TRAPPC12: variants seen among roughly 807,000 people sequenced by gnomAD.
The protein encoded by TRAPPC12 is TPR repeat protein 15.
TRAPPC12 carries 61 observed loss-of-function variants against 69.2 expected under a neutral mutation model. The observed-to-expected ratio is 0.88, with a 90% CI of 0.72 to 1.09. The LOEUF (loss-of-function observed/expected upper bound fraction) is 1.09. Among genes scored for constraint, TRAPPC12 ranks in the 50% least tolerant of loss-of-function variants. The pLI is 0.00. For missense variants in TRAPPC12, 1,101 were observed against 1,016.4 expected (o/e 1.08, Z -1.13); for synonymous variants, 469 against 438.9 (o/e 1.07, Z -0.86).
At chr2:3,401,495 C>T (rs1207398008) in intron 2 of TRAPPC12, among the ~76,000 whole-genome samples, 3 of 152,138 alleles carry the variant, frequency 2.0e-5, no homozygotes, top group East Asian at 3.9e-4. Context: ...TAGGACTTAC[C>T]GTTTCCTCTT....
rs562936345 is a variant in TRAPPC12 at position 3,408,663 on chromosome 2, A to G, written c.1164+6770A>G. 2.6e-5 allele frequency among the ~76,000 whole-genome samples: 4 copies of G among 152,222 alleles called. No homozygotes were observed. The South Asian group carries it at 6.2e-4, about 24-fold the overall frequency. ...TAAAAAAAAATAATAATAACAATAA[A>G]GTACATGCTTTGTATAACTTTTGAC... On this transcript the variant is annotated intron_variant, in intron 3 of 11. Coordinates refer to ENST00000324266, the MANE Select transcript of TRAPPC12 (RefSeq NM_016030.6).
intron 5 of TRAPPC12, among the ~76,000 whole-genome samples, chr2:3,439,709 A>AT (rs1375283064): frequency 1.3e-5 from 2 of 152,024 alleles, no homozygotes; most frequent in Non-Finnish European, 2.9e-5. Flanking sequence ...CAACTTACTG[A>AT]TTTTTTTCTT....
chr2:3,416,439 G>A (rs540778897), intron 3 of TRAPPC12, among the ~76,000 whole-genome samples: 84 of 152,158 alleles, frequency 5.5e-4, no homozygotes, highest in African/African-American at 2.0e-3. Flanking sequence ...CAGAAGCACT[G>A]CAGGGCCCCC....
intron 7 of TRAPPC12, among the ~76,000 whole-genome samples, chr2:3,459,518 A>G (rs912126864): frequency 6.6e-6 from 1 of 152,230 alleles, no homozygotes; most frequent in Non-Finnish European, 1.5e-5. Flanking sequence ...GAAGGCCACA[A>G]AGCCAGTTTG....
chr2:3,433,824 C>G (rs1663600637), intron 5 of TRAPPC12, among the ~76,000 whole-genome samples: 1 of 152,176 alleles, frequency 6.6e-6, no homozygotes, highest in Non-Finnish European at 1.5e-5. Flanking sequence ...ACATGGGAAT[C>G]TTCCGGAAAA....
At chr2:3,445,963 C>G (rs1168725763) in intron 6 of TRAPPC12, among the ~76,000 whole-genome samples, 1 of 152,206 alleles carries the variant, frequency 6.6e-6, no homozygotes, top group African/African-American at 2.4e-5. Flanking sequence ...TCCTGAGACT[C>G]TTGAGGGGGC....
intron 4 of TRAPPC12, 124 bp downstream of exon 4, chr2:3,422,118 C>T (rs1662834040): frequency 3.9e-6 from 3 of 760,950 alleles, no homozygotes; most frequent in East Asian, 2.7e-5. Context: ...TCTTTCTCTC[C>T]TAATTATATT....
rs370359682 is a variant in TRAPPC12 at position 3,436,152 on chromosome 2, G to A, written c.1418-7627G>A. On this transcript the variant is annotated intron_variant, in intron 5 of 11. Coordinates refer to ENST00000324266, the MANE Select transcript of TRAPPC12 (RefSeq NM_016030.6). ...GGGCACAGGTGATAAGACTGCAGCTGGTCAGAATGTACCTTTAATCAAGTA... is the reference window on the plus strand; with the variant it reads ...GGGCACAGGTGATAAGACTGCAGCTAGTCAGAATGTACCTTTAATCAAGTA... Among the ~76,000 whole-genome samples the A allele has an allele frequency of 2.0e-3, 304 of 152,234 alleles. 4 individuals are homozygous for A. The highest frequency in any genetic ancestry group is 7.1e-3 in the African/African-American group (293 of 41,524).
intron 5 of TRAPPC12, among the ~76,000 whole-genome samples, chr2:3,438,414 C>T (rs1375038017): frequency 6.3e-5 from 9 of 143,114 alleles, no homozygotes; most frequent in Admixed American, 2.1e-4. Context: ...TCCCCCATCA[C>T]GCCTGGATTA....
At chr2:3,410,143 G>C (rs967484774) in intron 3 of TRAPPC12, among the ~76,000 whole-genome samples, 7 of 152,204 alleles carry the variant, frequency 4.6e-5, no homozygotes, top group African/African-American at 1.7e-4. Context: ...AGATATGACT[G>C]CATGTCATTT....
In TRAPPC12 at chr2:3,421,905, G is replaced by A. The variant is rs757194160; in HGVS notation, c.1189G>A (p.Val397Met). The A allele has an allele frequency of 5.0e-6, 8 of 1,613,796 alleles. No individual in the cohort carries two copies. Among genetic ancestry groups the A allele is most frequent in the Non-Finnish European group, 6.8e-6 (8 of 1,179,966 alleles). ...GAGCTGCAGAAACTGGAGGGCAGCA[G>A]TGGACCTGTGCGGACGTCTCCTCAC... ...LISCRNWRAA[V>M]DLCGRLLTAH... The change falls in exon 4 of 12, where the codon GTG becomes ATG. Residue 397 changes from valine to methionine, a missense_variant. Coordinates refer to ENST00000324266, the MANE Select transcript of TRAPPC12 (RefSeq NM_016030.6).
At chr2:3,407,235 A>G (rs1421354118) in intron 3 of TRAPPC12, among the ~76,000 whole-genome samples, 1 of 152,198 alleles carries the variant, frequency 6.6e-6, no homozygotes, top group Non-Finnish European at 1.5e-5. Context: ...AGTTATGTAC[A>G]TGCCATTAGT....
At chr2:3,435,078 T>A (rs2103080556) in intron 5 of TRAPPC12, among the ~76,000 whole-genome samples, 1 of 152,356 alleles carries the variant, frequency 6.6e-6, no homozygotes, top group East Asian at 1.9e-4. Context: ...AGTGGTGCGA[T>A]CTCGGCTCAC....
chr2:3,454,934 G>T (rs1340715597), intron 6 of TRAPPC12: 1 of 152,616 alleles, frequency 6.6e-6, no homozygotes, highest in Non-Finnish European at 1.5e-5. Flanking sequence ...CAGACCCACA[G>T]AGACCTCGCC....
At chr2:3,396,014 G>A (rs1026607885) in intron 2 of TRAPPC12, among the ~76,000 whole-genome samples, 5 of 152,038 alleles carry the variant, frequency 3.3e-5, no homozygotes, top group African/African-American at 9.7e-5. Context: ...ACAGGAGTGA[G>A]CCACCACGCC....
intron 5 of TRAPPC12, among the ~76,000 whole-genome samples, 182 bp downstream of exon 5, chr2:3,424,845 C>G (rs1663006132): frequency 6.6e-6 from 1 of 152,244 alleles, no homozygotes; most frequent in Admixed American, 6.5e-5. Context: ...GAAACACTGA[C>G]CTGGAGGTGC....
At chr2:3,412,520 C>T (rs1434308389) in intron 3 of TRAPPC12, among the ~76,000 whole-genome samples, 1 of 152,186 alleles carries the variant, frequency 6.6e-6, no homozygotes, top group Non-Finnish European at 1.5e-5. Flanking sequence ...AAGATCGCGC[C>T]ACCGCACTCC....
intron 9 of TRAPPC12, among the ~76,000 whole-genome samples, chr2:3,466,831 T>C (rs1665837249): frequency 1.3e-5 from 2 of 152,184 alleles, no homozygotes; most frequent in Non-Finnish European, 2.9e-5. Context: ...ACTGGGATGC[T>C]TGCAGCAACC....
chr2:3,388,802 C>G lies in TRAPPC12; in HGVS notation c.1047+132C>G, dbSNP rs879045597. On this transcript the variant is annotated intron_variant, in intron 2 of 11. Transcript: ENST00000324266. ...AATTCCTAACATCCCATTGTGAGCG[C>G]CTGTGTTCCTCTGTCCCTGGGTAAT... 9 of 936,654 alleles carry G rather than the reference C, an allele frequency of 9.6e-6. No individual in the cohort carries two copies. The South Asian group carries it at 1.6e-4, about 16-fold the overall frequency. 58.0% of individuals were successfully genotyped at this position (936,654 alleles called of 1,614,324 possible).
Sources: gnomAD v4.1 joint callset for allele counts (sites outside exome capture counted in the v4.1 genomes callset) on GRCh38, gnomAD v4.1.1 for gene constraint, MANE v1.5 for transcripts, NCBI Gene and HGNC (gene_info 2026-07-23, HGNC 2026-07-21) for gene names.